The following ELOVL2 variants were observed in gnomAD, a reference collection of about 807,000 sequenced individuals.
ELOVL2 encodes ELOVL fatty acid elongase 2.
A neutral mutation model predicts 37.7 loss-of-function variants in ELOVL2; 38 were observed. The ratio of observed to expected loss-of-function variants is 1.01; its 90% CI spans 0.78 to 1.32. ELOVL2 has a LOEUF of 1.32. ELOVL2 is among the 40% of genes most tolerant of loss of function. ELOVL2 has a pLI of 0.00. For missense variants in ELOVL2, 352 were observed against 363.6 expected (o/e 0.97, Z 0.26); for synonymous variants, 115 against 122.3 (o/e 0.94, Z 0.40).
intron 1 of ELOVL2, chr6:11,043,896 C>A: frequency 4.1e-6 from 1 of 242,552 alleles, no homozygotes; most frequent in Non-Finnish European, 7.9e-6. Context: ...GGGCGGCTTC[C>A]TCGGGCATCC....
chr6:11,013,331 T>C (rs1219689986), intron 1 of ELOVL2, among the ~76,000 whole-genome samples: 1 of 151,964 alleles, frequency 6.6e-6, no homozygotes, highest in South Asian at 2.1e-4. Flanking sequence ...TAGTAAAACA[T>C]AGCATAAGCA....
intron 1 of ELOVL2, among the ~76,000 whole-genome samples, chr6:11,019,122 A>G (rs1191142985): frequency 1.3e-5 from 2 of 152,218 alleles, no homozygotes; most frequent in African/African-American, 4.8e-5. Flanking sequence ...GTCCTTGCCA[A>G]CAAACATCAC....
chr6:11,039,027 A>G (rs1783059259), intron 1 of ELOVL2, among the ~76,000 whole-genome samples: 1 of 152,196 alleles, frequency 6.6e-6, no homozygotes, highest in Non-Finnish European at 1.5e-5. Context: ...TTCCAGTTTT[A>G]GTAGAGTGGT....
At chr6:11,002,839 C>T (rs1468295763) in intron 3 of ELOVL2, among the ~76,000 whole-genome samples, 1 of 152,202 alleles carries the variant, frequency 6.6e-6, no homozygotes, top group Non-Finnish European at 1.5e-5. Flanking sequence ...CCATCTTATA[C>T]CTTCAGGGCT....
intron 5 of ELOVL2, among the ~76,000 whole-genome samples, chr6:10,992,513 G>A (rs575616314): frequency 1.4e-4 from 21 of 152,342 alleles, no homozygotes; most frequent in Non-Finnish European, 2.5e-4. Flanking sequence ...GGATTAGGCC[G>A]GGCGTGGTGG....
At chr6:11,000,641 T>C (rs914159240) in intron 3 of ELOVL2, among the ~76,000 whole-genome samples, 3 of 152,214 alleles carry the variant, frequency 2.0e-5, no homozygotes, top group African/African-American at 7.2e-5. Flanking sequence ...TCTTAAACCA[T>C]TTTCTTCACT....
chr6:11,012,607 G>A (rs1191442904), intron 1 of ELOVL2, among the ~76,000 whole-genome samples: 4 of 152,154 alleles, frequency 2.6e-5, no homozygotes, highest in Admixed American at 1.3e-4. Context: ...CTAAGAAAAC[G>A]CTAAAGGTCA....
intron 1 of ELOVL2, among the ~76,000 whole-genome samples, chr6:11,023,654 G>C (rs559792725): frequency 6.6e-6 from 1 of 152,048 alleles, no homozygotes; most frequent in Non-Finnish European, 1.5e-5. Flanking sequence ...TGAGCAATTC[G>C]GGTTCCATGC....
At chr6:11,019,904 C>T (rs900231960) in intron 1 of ELOVL2, among the ~76,000 whole-genome samples, 42 of 151,828 alleles carry the variant, frequency 2.8e-4, no homozygotes, top group African/African-American at 5.3e-4. Context: ...CCACCACGCC[C>T]GGCCAATTTT....
intron 5 of ELOVL2, among the ~76,000 whole-genome samples, chr6:10,994,536 G>A (rs1405022847): frequency 1.3e-5 from 2 of 151,360 alleles, no homozygotes; most frequent in East Asian, 3.9e-4. Flanking sequence ...ATTTCTTATT[G>A]TAATTCTGTT....
chr6:10,989,316 A>G (rs1376468621), intron 7 of ELOVL2, among the ~76,000 whole-genome samples: 1 of 150,488 alleles, frequency 6.6e-6, no homozygotes, highest in Non-Finnish European at 1.5e-5. Context: ...ATGTGCTACT[A>G]TAATATTTAA....
chr6:10,991,080 C>T (rs1286847036), intron 5 of ELOVL2, among the ~76,000 whole-genome samples: 1 of 152,186 alleles, frequency 6.6e-6, no homozygotes, highest in African/African-American at 2.4e-5. Flanking sequence ...CAGGCCCCTG[C>T]CATCAACCTC....
intron 2 of ELOVL2, among the ~76,000 whole-genome samples, chr6:11,008,581 G>A (rs1185276335): frequency 1.3e-5 from 2 of 151,614 alleles, no homozygotes; most frequent in African/African-American, 2.4e-5. Context: ...GCATGCCTAA[G>A]GGAGGGGTCC....
At chr6:11,041,213 T>G (rs1300935201) in intron 1 of ELOVL2, among the ~76,000 whole-genome samples, 2 of 152,162 alleles carry the variant, frequency 1.3e-5, no homozygotes, top group African/African-American at 4.8e-5. Context: ...ATGATACATA[T>G]CCAACTGTCC....
Position 10,996,061 on chromosome 6 carries a change from A to G in ELOVL2, c.334-883T>C, listed in dbSNP as rs565188017. 5.9e-5 allele frequency among the ~76,000 whole-genome samples: 9 copies of G among 152,292 alleles called. No individual in the cohort carries two copies. In the South Asian group the frequency reaches 6.2e-4, roughly 11 times the overall value. On this transcript the variant is annotated intron_variant, in intron 4 of 7. Transcript: ENST00000354666. ...CATCCTTTCCCTCCTAAGGCCCTCAAGTCAGTCTCATCTATAGGGAGACAT... is the reference window on the plus strand; with the variant it reads ...CATCCTTTCCCTCCTAAGGCCCTCAGGTCAGTCTCATCTATAGGGAGACAT...
intron 7 of ELOVL2, among the ~76,000 whole-genome samples, chr6:10,989,062 C>T (rs1039029192): frequency 6.6e-6 from 1 of 152,176 alleles, no homozygotes; most frequent in Admixed American, 6.5e-5. Flanking sequence ...TTACTATACA[C>T]GTTTTTAACT....
chr6:10,996,363 G>A (rs1276303878), intron 4 of ELOVL2, among the ~76,000 whole-genome samples: 1 of 152,210 alleles, frequency 6.6e-6, no homozygotes, highest in East Asian at 1.9e-4. Context: ...TGGGTGCAGA[G>A]AAATCACTAT....
intron 7 of ELOVL2, among the ~76,000 whole-genome samples, chr6:10,986,368 A>G (rs1782053999): frequency 6.6e-6 from 1 of 152,198 alleles, no homozygotes; most frequent in Non-Finnish European, 1.5e-5. Flanking sequence ...TGCCCTGGCC[A>G]GAACTTCCAA....
At chr6:11,015,906 C>T (rs1397114643) in intron 1 of ELOVL2, 1 of 152,216 alleles carries the variant, frequency 6.6e-6, no homozygotes, top group East Asian at 1.9e-4. Flanking sequence ...TCTGTGATCA[C>T]TGCTTTATCC....
Sources: gnomAD v4.1 joint callset for allele counts (sites outside exome capture counted in the v4.1 genomes callset) on GRCh38, gnomAD v4.1.1 for gene constraint, MANE v1.5 for transcripts, NCBI Gene and HGNC (gene_info 2026-07-23, HGNC 2026-07-21) for gene names.